Variants in ZUP1 observed in about 807,000 individuals in gnomAD.
ZUP1 encodes the protein zinc finger-containing ubiquitin peptidase 1.
ZUP1 carries 55 observed loss-of-function variants against 68.1 expected under a neutral mutation model. The observed-to-expected ratio is 0.81, with a 90% confidence interval of 0.65 to 1.01. The LOEUF (loss-of-function observed/expected upper bound fraction) is 1.01, where lower values mean the gene tolerates loss of function less well. Among genes scored for constraint, ZUP1 ranks in the 50% least tolerant of loss-of-function variants. ZUP1 has a pLI of 0.00. For missense variants in ZUP1, 684 were observed against 674.9 expected (o/e 1.01, Z -0.15); for synonymous variants, 223 against 221.5 (o/e 1.01, Z -0.06).
intron 3 of ZUP1, chr6:116,660,295 G>A (rs58116393): frequency 0.027 from 4,198 of 153,378 alleles, 198 homozygotes; most frequent in African/African-American, 0.094. Flanking sequence ...TTTTATTTTC[G>A]TTCAGTGGGC....
At chr6:116,637,183 A>G (rs1583356304) in intron 9 of ZUP1, among the ~76,000 whole-genome samples, 1 of 152,360 alleles carries the variant, frequency 6.6e-6, no homozygotes, top group East Asian at 1.9e-4. Flanking sequence ...ATAGGGCTCC[A>G]GATGCAAACT....
rs758866755 is a variant in ZUP1, at chr6:116,645,706, ATACT to A, written c.1689+4_1689+7del. The A allele has an allele frequency of 2.8e-5, 44 of 1,576,302 alleles. No homozygotes were observed. The highest frequency in any genetic ancestry group is 7.4e-5 in the Admixed American group (4 of 53,850). ...TCAAACTTCACATATAAATATTTAG[ATACT>A]TACAAGTTTCTCCTCTAGAGAAAGA... On this transcript the variant is annotated splice_donor_5th_base_variant and intron_variant, in intron 9 of 9. Transcript: ENST00000368576.
intron 2 of ZUP1, among the ~76,000 whole-genome samples, chr6:116,666,049 T>C (rs1776998704): frequency 1.3e-5 from 2 of 152,170 alleles, no homozygotes; most frequent in South Asian, 4.1e-4. Context: ...AACAACCCCT[T>C]CTCAAAAATT....
At position 116,635,853 on chromosome 6, in the gene ZUP1, A is replaced by T; in HGVS notation, c.1716T>A (p.Phe572Leu). ...TTCTTCAAGGAATCTTCTCGGCTGTAAAGACTTGAGAAGCTTGTCTCCTGG... is the reference window on the plus strand; with the variant it reads ...TTCTTCAAGGAATCTTCTCGGCTGTTAAGACTTGAGAAGCTTGTCTCCTGG... ...KLARRQASQVFTAEKIP is the reference protein window; with the variant it reads ...KLARRQASQVLTAEKIP Residue 572 changes from phenylalanine (F) to leucine (L), a missense_variant, in exon 10 of 10, where the codon TTT (phenylalanine) becomes TTA (leucine). Transcript: ENST00000368576. The T allele has an allele frequency of 6.2e-7, 1 of 1,600,386 alleles. No homozygotes were observed. Among genetic ancestry groups the T allele is most frequent in the East Asian group, 2.3e-5 (1 of 44,364 alleles).
chr6:116,653,709 C>T lies in ZUP1; in HGVS notation c.962-1517G>A, dbSNP rs138499020. ...GAAAGCTAAATGTAGATTTTAATAT[C>T]ATAGACTTTGATGAAGAGATCAAGA... On this transcript the variant is annotated intron_variant, in intron 5 of 9. Coordinates refer to ENST00000368576, the MANE Select transcript of ZUP1 (RefSeq NM_145062.3). Among the ~76,000 whole-genome samples the T allele has an allele frequency of 9.1e-4, 139 of 152,006 alleles. 4 individuals carry two copies. The East Asian group carries it at 0.019, about 21-fold the overall frequency.
At position 116,666,665 on chromosome 6, in the gene ZUP1, C is replaced by T. The variant is rs745809158; in HGVS notation, c.528G>A (p.Lys176=). The T allele has an allele frequency of 1.3e-6, 2 of 1,592,656 alleles. No individual in the cohort carries two copies. Among genetic ancestry groups the T allele is most frequent in the Non-Finnish European group, 1.7e-6 (2 of 1,171,390 alleles). ...ATGGAATGTCTAAAAGATTGGCATG[C>T]TTTGTTTTCACATGAGTTTCCATAT... ...SEDMETHVKT[K]HANLLDIPLE... is the part of the protein sequence containing the mutation. The change falls in exon 2 of 10, where the codon AAG becomes AAA. Residue 176 remains lysine, a synonymous_variant. Coordinates refer to ENST00000368576, the MANE Select transcript of ZUP1 (RefSeq NM_145062.3).
intron 7 of ZUP1, among the ~76,000 whole-genome samples, chr6:116,649,339 T>A (rs774717270): frequency 1.3e-5 from 2 of 152,128 alleles, no homozygotes; most frequent in Non-Finnish European, 2.9e-5. Flanking sequence ...CTATCTCTAT[T>A]TCCTCTTAAA....
At chr6:116,657,004 A>AACAC (rs3033987) in intron 4 of ZUP1, 152 bp from the exon 5 acceptor site, 3 of 413,056 alleles carry the variant, frequency 7.3e-6, no homozygotes, top group Non-Finnish European at 1.3e-5. Context: ...AAAAACTAAT[A>AACAC]ACACACACAC....
chr6:116,645,783 C>CA lies in ZUP1; in HGVS notation c.1619dup (p.Met540IlefsTer7). ...GGTATTGCTTATGTTTTAAATTTCCCATAGATTTCCGAAGTTGCTTGAGAC... is the reference window on the plus strand; with the variant it reads ...GGTATTGCTTATGTTTTAAATTTCCCAATAGATTTCCGAAGTTGCTTGAGAC... On this transcript the variant is annotated frameshift_variant, in exon 9 of 10. Coordinates refer to ENST00000368576, the MANE Select transcript of ZUP1 (RefSeq NM_145062.3). LOFTEE classifies it high-confidence loss of function. 6.2e-7 allele frequency: 1 copy of CA among 1,613,818 alleles called. No individual in the cohort carries two copies. Among genetic ancestry groups the CA allele is most frequent in the Middle Eastern group, 1.7e-4 (1 of 6,056 alleles).
intron 7 of ZUP1, among the ~76,000 whole-genome samples, chr6:116,650,894 T>A (rs1776469429): frequency 3.3e-5 from 5 of 151,790 alleles, no homozygotes; most frequent in Admixed American, 3.3e-4. Context: ...AAATAGGTTA[T>A]ACATTTTAAA....
chr6:116,641,694 G>C (rs1343742814), intron 9 of ZUP1, among the ~76,000 whole-genome samples: 12 of 152,066 alleles, frequency 7.9e-5, no homozygotes, highest in Non-Finnish European at 1.0e-4. Flanking sequence ...AAAGCAGTGT[G>C]TAGAGGGAAA....
rs748479253 is a variant in ZUP1, at chr6:116,664,251, C to T, written c.559+2383G>A. 5.6e-4 allele frequency among the ~76,000 whole-genome samples: 84 copies of T among 150,914 alleles called. 1 individual carries two copies. The highest frequency in any genetic ancestry group is 1.0e-4 in the Non-Finnish European group (7 of 67,702). On this transcript the variant is annotated intron_variant, in intron 2 of 9. Coordinates refer to ENST00000368576, the MANE Select transcript of ZUP1 (RefSeq NM_145062.3). The stretch of plus-strand genomic sequence containing the variant: ...TTCCAGACCAGCCTGGCCAACATGG[C>T]GAAACCCTGTCTCTACTAAAAGTAC...
At chr6:116,637,871 T>G (rs1365299038) in intron 9 of ZUP1, among the ~76,000 whole-genome samples, 1 of 152,078 alleles carries the variant, frequency 6.6e-6, no homozygotes, top group African/African-American at 2.4e-5. Flanking sequence ...AACATCAGCC[T>G]GGCTAACATG....
chr6:116,653,604 A>C (rs1396265678), intron 5 of ZUP1, among the ~76,000 whole-genome samples: 1 of 152,018 alleles, frequency 6.6e-6, no homozygotes, highest in Non-Finnish European at 1.5e-5. Context: ...ATTCAAGAAA[A>C]ACAACAATTA....
chr6:116,657,637 G>A (rs777399144), intron 4 of ZUP1, among the ~76,000 whole-genome samples: 1 of 152,116 alleles, frequency 6.6e-6, no homozygotes, highest in Non-Finnish European at 1.5e-5. Flanking sequence ...AACAAGTCTG[G>A]GGAAATTGTG....
At chr6:116,664,414 G>A (rs1450719522) in intron 2 of ZUP1, among the ~76,000 whole-genome samples, 1 of 144,816 alleles carries the variant, frequency 6.9e-6, no homozygotes, top group Non-Finnish European at 1.5e-5. Context: ...CTGGGTGACA[G>A]GGCAAAAGTC....
At chr6:116,651,957 T>C in intron 6 of ZUP1, 47 bp downstream of exon 6, 1 of 1,574,518 alleles carries the variant, frequency 6.4e-7, no homozygotes, top group South Asian at 1.1e-5. Flanking sequence ...TTCTATATCA[T>C]ATGTATTTTA....
chr6:116,656,668 A>T lies in ZUP1; in HGVS notation c.961+16T>A. 1 of 1,594,278 alleles carries T rather than the reference A, an allele frequency of 6.3e-7. No individual in the cohort carries two copies. The highest frequency in any genetic ancestry group is 8.5e-7 in the Non-Finnish European group (1 of 1,171,526). The stretch of plus-strand genomic sequence containing the variant: ...AAGCAATATTAAAACAATGACTCTG[A>T]TGTTTAAATACTCACCGGAAGTTTT... On this transcript the variant is annotated intron_variant, in intron 5 of 9. Coordinates refer to ENST00000368576, the MANE Select transcript of ZUP1 (RefSeq NM_145062.3).
At chr6:116,661,396 A>T (rs1007995682) in intron 2 of ZUP1, among the ~76,000 whole-genome samples, 6 of 152,210 alleles carry the variant, frequency 3.9e-5, no homozygotes, top group African/African-American at 1.4e-4. Flanking sequence ...TGTAGTCAAA[A>T]CAAGAGAAGC....
Sources: gnomAD v4.1 joint callset for allele counts (sites outside exome capture counted in the v4.1 genomes callset) on GRCh38, gnomAD v4.1.1 for gene constraint, MANE v1.5 for transcripts, NCBI Gene and HGNC (gene_info 2026-07-23, HGNC 2026-07-21) for gene names.